Variants in HDAC4 observed in about 807,000 individuals in gnomAD.
HDAC4 encodes histone deacetylase A.
Under a neutral mutation model 135.1 loss-of-function variants are expected in HDAC4, and 16 were observed. That is an observed-to-expected ratio of 0.12 (90% CI 0.08 to 0.18). The LOEUF (loss-of-function observed/expected upper bound fraction) is 0.18, where lower values mean the gene tolerates loss of function less well. HDAC4 is among the 10% of genes least tolerant of loss of function. The pLI is 1.00. For missense variants in HDAC4, 1,143 were observed against 1,511.8 expected (o/e 0.76, Z 4.05); for synonymous variants, 685 against 653.4 (o/e 1.05, Z -0.74).
chr2:239,163,764 C>T, intron 6 of HDAC4, 39 bp downstream of exon 6: 1 of 1,611,224 alleles, frequency 6.2e-7, no homozygotes. Flanking sequence ...TCTGGGCCCC[C>T]AGAGAGGAGG....
At chr2:239,305,390 A>G (rs893199674) in intron 2 of HDAC4, 5 of 152,608 alleles carry the variant, frequency 3.3e-5, no homozygotes, top group Non-Finnish European at 7.3e-5. Context: ...CAGCTTGGCT[A>G]AGCCTGGTGC....
intron 6 of HDAC4, among the ~76,000 whole-genome samples, chr2:239,161,010 G>A (rs772431705): frequency 2.0e-4 from 30 of 152,162 alleles, no homozygotes; most frequent in African/African-American, 3.1e-4. Context: ...GCTGCTTGCC[G>A]CAGTTTTGAT....
At chr2:239,371,001 A>G (rs1694568030) in intron 1 of HDAC4, among the ~76,000 whole-genome samples, 1 of 152,098 alleles carries the variant, frequency 6.6e-6, no homozygotes, top group South Asian at 2.1e-4. Flanking sequence ...TGCTGTCCAC[A>G]CCACAGGGCT....
At chr2:239,081,772 A>T (rs1484580690) in intron 21 of HDAC4, among the ~76,000 whole-genome samples, 3 of 152,118 alleles carry the variant, frequency 2.0e-5, no homozygotes, top group Non-Finnish European at 4.4e-5. Context: ...CCCTTGCCGG[A>T]GGGTGTCCTG....
At chr2:239,070,758 G>A (rs914055441) in intron 22 of HDAC4, among the ~76,000 whole-genome samples, 1 of 152,164 alleles carries the variant, frequency 6.6e-6, no homozygotes, top group East Asian at 1.9e-4. Flanking sequence ...TTAAAAAGGG[G>A]CTTCAAAAAG....
intron 3 of HDAC4, among the ~76,000 whole-genome samples, chr2:239,210,361 G>C (rs891148467): frequency 6.6e-6 from 1 of 152,132 alleles, no homozygotes; most frequent in African/African-American, 2.4e-5. Flanking sequence ...AGAAAACGAC[G>C]TCAGTATGAT....
At chr2:239,263,995 C>G (rs2049548645) in intron 2 of HDAC4, among the ~76,000 whole-genome samples, 1 of 152,090 alleles carries the variant, frequency 6.6e-6, no homozygotes, top group Non-Finnish European at 1.5e-5. Flanking sequence ...GTGGCTTACT[C>G]AGGGCACACA....
At chr2:239,264,448 A>T (rs1249647865) in intron 2 of HDAC4, among the ~76,000 whole-genome samples, 3 of 152,262 alleles carry the variant, frequency 2.0e-5, no homozygotes, top group Non-Finnish European at 2.9e-5. Context: ...ACTACACATG[A>T]AGGTCGCTGG....
intron 2 of HDAC4, among the ~76,000 whole-genome samples, chr2:239,292,588 T>G (rs1370252235): frequency 1.3e-5 from 2 of 152,098 alleles, no homozygotes; most frequent in Non-Finnish European, 2.9e-5. Flanking sequence ...TCTCTTTACT[T>G]CCAGAAAAGC....
intron 1 of HDAC4, among the ~76,000 whole-genome samples, chr2:239,386,491 C>T (rs1287575149): frequency 2.0e-5 from 3 of 152,010 alleles, no homozygotes; most frequent in Admixed American, 1.3e-4. Flanking sequence ...CCGGGGTGGC[C>T]GGCCAGGGGA....
intron 3 of HDAC4, among the ~76,000 whole-genome samples, chr2:239,216,073 C>T (rs2046615169): frequency 6.6e-6 from 1 of 152,116 alleles, no homozygotes; most frequent in African/African-American, 2.4e-5. Context: ...TATATATGTA[C>T]ATGTGCTTAC....
intron 3 of HDAC4, among the ~76,000 whole-genome samples, chr2:239,199,114 A>AC: frequency 4.0e-4 from 1 of 2,528 alleles, no homozygotes; most frequent in East Asian, 8.3e-3. Flanking sequence ...CCTGCCCCCC[A>AC]CCACCCCCAC....
In HDAC4 at chr2:239,172,100, A is replaced by G. The variant is rs998502514; in HGVS notation, c.490+4313T>C. 4.6e-5 allele frequency among the ~76,000 whole-genome samples: 7 copies of G among 152,232 alleles called. No homozygotes were observed. The South Asian group carries it at 1.0e-3, about 22-fold the overall frequency. On this transcript the variant is annotated intron_variant, in intron 5 of 26. Transcript: ENST00000543185. ...ACAACAATGTCTTGTGATGTTAAAG[A>G]TAAGTTTAGAGTTAAATACAGGTCA...
In HDAC4 at chr2:239,308,439, AG is replaced by A. The variant is rs2052715370; in HGVS notation, c.22+44238del. On this transcript the variant is annotated intron_variant, in intron 2 of 26. Coordinates refer to ENST00000543185, the MANE Select transcript of HDAC4 (RefSeq NM_001378414.1). The surrounding 1 kb of genome is among the most constrained non-coding windows in gnomAD (Gnocchi z 4.2). ...GAGTTCCTTAGCTTCCTGTTTTCAG[AG>A]AGTCTTCTTAGCAAAGTGAGGAATC... is the stretch of plus-strand genomic sequence containing the variant. Among the ~76,000 whole-genome samples, 1 of 105,636 alleles carries A rather than the reference AG, an allele frequency of 9.5e-6. No individual in the cohort carries two copies. Among genetic ancestry groups the A allele is most frequent in the Admixed American group, 1.1e-4 (1 of 8,750 alleles). The allele number at this position is 105,636 out of a possible 152,430, so 69.3% of individuals were successfully genotyped here.
intron 3 of HDAC4, among the ~76,000 whole-genome samples, chr2:239,229,711 G>C (rs540194333): frequency 1.3e-5 from 2 of 152,260 alleles, no homozygotes; most frequent in South Asian, 4.1e-4. Flanking sequence ...AGACTGAAAG[G>C]TTTTCTGACT....
At chr2:239,218,112 CAG>C (rs2046745065) in intron 3 of HDAC4, among the ~76,000 whole-genome samples, 1 of 152,094 alleles carries the variant, frequency 6.6e-6, no homozygotes, top group Admixed American at 6.6e-5. Context: ...AACAGATAAA[CAG>C]AATATAAAAT....
intron 2 of HDAC4, chr2:239,298,073 G>A: frequency 1.7e-6 from 1 of 575,588 alleles, no homozygotes; most frequent in South Asian, 1.5e-5. Flanking sequence ...GTGTGTCATG[G>A]GTCTTTAGGG....
intron 9 of HDAC4, among the ~76,000 whole-genome samples, chr2:239,138,187 A>G (rs932085893): frequency 2.0e-5 from 3 of 152,230 alleles, no homozygotes; most frequent in Admixed American, 6.5e-5. Flanking sequence ...AATCATCTAA[A>G]TAAGTACTGA....
chr2:239,118,180 T>C (rs1293335497), intron 12 of HDAC4, among the ~76,000 whole-genome samples: 2 of 152,074 alleles, frequency 1.3e-5, no homozygotes, highest in Non-Finnish European at 2.9e-5. Context: ...AGACTTCAGA[T>C]TGGGCGGGGG....
Sources: gnomAD v4.1 joint callset for allele counts (sites outside exome capture counted in the v4.1 genomes callset) on GRCh38, gnomAD v4.1.1 for gene constraint, Gnocchi (gnomAD v3.1) non-coding constraint, MANE v1.5 for transcripts, NCBI Gene and HGNC (gene_info 2026-07-23, HGNC 2026-07-21) for gene names.